KSR2: variants seen among roughly 807,000 people sequenced by gnomAD.
The protein encoded by KSR2 is kinase suppressor of ras 2.
KSR2 carries 25 observed loss-of-function variants against 107.8 expected under a neutral mutation model. The ratio of observed to expected loss-of-function variants is 0.23; its 90% CI spans 0.17 to 0.32. The LOEUF (loss-of-function observed/expected upper bound fraction) is 0.32, where lower values mean the gene tolerates loss of function less well. Ranked by LOEUF, KSR2 falls within the 10% of genes least tolerant of loss-of-function variation. The pLI is 1.00. For missense variants in KSR2, 887 were observed against 1,268.9 expected (o/e 0.70, Z 4.57); for synonymous variants, 480 against 507.0 (o/e 0.95, Z 0.71).
chr12:117,829,912 G>T (rs1393037894), intron 3 of KSR2, among the ~76,000 whole-genome samples: 1 of 152,194 alleles, frequency 6.6e-6, no homozygotes, highest in Non-Finnish European at 1.5e-5. Flanking sequence ...TTCCTCTAAA[G>T]ATAGCTGGCC....
At chr12:117,571,927 A>T (rs142963785) in intron 7 of KSR2, among the ~76,000 whole-genome samples, 16 of 152,146 alleles carry the variant, frequency 1.1e-4, no homozygotes, top group Middle Eastern at 3.4e-3. Flanking sequence ...TGAGTCCAAG[A>T]TCGCTTTTCT....
intron 9 of KSR2, among the ~76,000 whole-genome samples, chr12:117,543,849 C>T (rs774535428): frequency 6.6e-6 from 1 of 152,162 alleles, no homozygotes; most frequent in Non-Finnish European, 1.5e-5. Context: ...TCCTTCTTTG[C>T]CTCTTCCTAC....
intron 5 of KSR2, among the ~76,000 whole-genome samples, chr12:117,634,893 A>C (rs570118462): frequency 1.3e-5 from 2 of 152,306 alleles, no homozygotes; most frequent in South Asian, 4.1e-4. Context: ...ATGTGAGAGA[A>C]GTTATCCAGC....
At chr12:117,525,973 T>C (rs901491806) in intron 13 of KSR2, among the ~76,000 whole-genome samples, 5 of 152,324 alleles carry the variant, frequency 3.3e-5, no homozygotes, top group Admixed American at 1.3e-4. Flanking sequence ...TTTACTTCCC[T>C]GAGGCTGCCT....
intron 10 of KSR2, among the ~76,000 whole-genome samples, chr12:117,537,495 T>C (rs1876134800): frequency 6.6e-6 from 1 of 152,256 alleles, no homozygotes; most frequent in African/African-American, 2.4e-5. Context: ...CCATGTATTA[T>C]GCCATTTCTT....
At chr12:117,880,576 G>T (rs1483373581) in intron 1 of KSR2, among the ~76,000 whole-genome samples, 1 of 152,058 alleles carries the variant, frequency 6.6e-6, no homozygotes, top group African/African-American at 2.4e-5. Context: ...GGGCTGGGAG[G>T]GATGGAAAAC....
rs769013676 is a variant in KSR2, at chr12:117,506,084, GT to G, written c.2219+18767del. Among the ~76,000 whole-genome samples the G allele has an allele frequency of 4.6e-5, 7 of 152,308 alleles. No homozygotes were observed. In the East Asian group the frequency reaches 1.3e-3, roughly 29 times the overall value. ...CTATGTTTGATGAATGACTGGACAA[GT>G]GAATGAATGGATACACAAATTATTA... On this transcript the variant is annotated intron_variant, in intron 14 of 19. Coordinates refer to ENST00000339824, the MANE Select transcript of KSR2 (RefSeq NM_173598.6).
intron 4 of KSR2, among the ~76,000 whole-genome samples, chr12:117,740,126 A>T (rs1447989675): frequency 2.8e-5 from 4 of 144,988 alleles, no homozygotes; most frequent in African/African-American, 1.0e-4. Context: ...TATCATTCTT[A>T]TGCCTTTGCA....
At chr12:117,901,972 A>G (rs935449556) in intron 1 of KSR2, among the ~76,000 whole-genome samples, 6 of 152,198 alleles carry the variant, frequency 3.9e-5, no homozygotes, top group African/African-American at 7.2e-5. Flanking sequence ...TCGTGATCCA[A>G]TATGACTTCT....
intron 3 of KSR2, among the ~76,000 whole-genome samples, chr12:117,777,012 TATC>T (rs1889708359): frequency 6.6e-6 from 1 of 150,742 alleles, no homozygotes; most frequent in African/African-American, 2.4e-5. Context: ...CTGGTCATCT[TATC>T]ATCCACTCAT....
intron 10 of KSR2, 123 bp downstream of exon 10, chr12:117,539,596 C>A: frequency 1.1e-6 from 1 of 905,290 alleles, no homozygotes; most frequent in South Asian, 1.9e-5. Flanking sequence ...CCTCTCTGGT[C>A]ATTGACCCAT....
At chr12:117,750,802 G>A (rs572327351) in intron 4 of KSR2, among the ~76,000 whole-genome samples, 9 of 152,204 alleles carry the variant, frequency 5.9e-5, no homozygotes, top group Admixed American at 2.6e-4. Flanking sequence ...GATAATGGCC[G>A]CCAGCTGCAT....
chr12:117,762,828 A>G (rs1268806349), intron 3 of KSR2, among the ~76,000 whole-genome samples: 1 of 151,832 alleles, frequency 6.6e-6, no homozygotes, highest in Non-Finnish European at 1.5e-5. Context: ...AGATCGCACC[A>G]TTGCACTCCA....
chr12:117,582,393 G>A, intron 5 of KSR2, 34 bp from the exon 6 acceptor site: 1 of 1,570,138 alleles, frequency 6.4e-7, no homozygotes, highest in Non-Finnish European at 8.8e-7. Flanking sequence ...GTTACACAGA[G>A]GGTCAGAGAC....
intron 5 of KSR2, among the ~76,000 whole-genome samples, chr12:117,651,969 T>A (rs978435461): frequency 6.6e-6 from 1 of 152,128 alleles, no homozygotes; most frequent in African/African-American, 2.4e-5. Context: ...CACTCAACTG[T>A]CAAAGGCAAG....
At chr12:117,641,619 C>T (rs1883361996) in intron 5 of KSR2, among the ~76,000 whole-genome samples, 1 of 152,170 alleles carries the variant, frequency 6.6e-6, no homozygotes, top group Non-Finnish European at 1.5e-5. Flanking sequence ...TATGACCTCA[C>T]CTTAGCTTGC....
At chr12:117,795,364 C>T (rs143636312) in intron 3 of KSR2, among the ~76,000 whole-genome samples, 1 of 152,182 alleles carries the variant, frequency 6.6e-6, no homozygotes, top group Non-Finnish European at 1.5e-5. Context: ...GCAGATACTA[C>T]CTCAGCCTTC....
intron 3 of KSR2, among the ~76,000 whole-genome samples, chr12:117,788,597 G>A (rs1890156662): frequency 6.6e-6 from 1 of 152,148 alleles, no homozygotes; most frequent in Non-Finnish European, 1.5e-5. Flanking sequence ...TGCCTCCCAG[G>A]TTTAAGCATT....
At chr12:117,877,382 G>A (rs923276543) in intron 1 of KSR2, among the ~76,000 whole-genome samples, 4 of 151,888 alleles carry the variant, frequency 2.6e-5, no homozygotes, top group African/African-American at 9.7e-5. Flanking sequence ...TTTAAATTTT[G>A]GATTAGGGAT....
Sources: gnomAD v4.1 joint callset for allele counts (sites outside exome capture counted in the v4.1 genomes callset) on GRCh38, gnomAD v4.1.1 for gene constraint, MANE v1.5 for transcripts, NCBI Gene and HGNC (gene_info 2026-07-23, HGNC 2026-07-21) for gene names.